The following ARMH3 variants were observed in gnomAD, a reference collection of about 807,000 sequenced individuals.
The protein encoded by ARMH3 is armadillo-like helical domain-containing protein 3.
ARMH3 carries 60 observed loss-of-function variants against 99.1 expected under a neutral mutation model. That is an observed-to-expected ratio of 0.61 (90% CI 0.49 to 0.75). ARMH3 has a LOEUF of 0.75. Ranked by LOEUF, ARMH3 falls within the 30% of genes least tolerant of loss-of-function variation. The probability of loss-of-function intolerance (pLI) is 0.00; values close to 1 mark genes in which losing one functional copy is unlikely to be tolerated. For missense variants in ARMH3, 679 were observed against 843.1 expected (o/e 0.81, Z 2.41); for synonymous variants, 285 against 292.8 (o/e 0.97, Z 0.27).
chr10:101,877,309 G>C (rs2067293863), intron 24 of ARMH3, among the ~76,000 whole-genome samples: 1 of 152,040 alleles, frequency 6.6e-6, no homozygotes, highest in Non-Finnish European at 1.5e-5. Flanking sequence ...GCTGCAGTGA[G>C]CCATGATCAC....
chr10:101,870,114 C>T (rs146689505), intron 24 of ARMH3, among the ~76,000 whole-genome samples: 2 of 152,194 alleles, frequency 1.3e-5, no homozygotes, highest in East Asian at 1.9e-4. Context: ...ATTGACAAAC[C>T]TCTAACCAGG....
chr10:102,007,336 T>TAAA (rs34558673), intron 13 of ARMH3, among the ~76,000 whole-genome samples: 3 of 132,536 alleles, frequency 2.3e-5, no homozygotes, highest in African/African-American at 5.6e-5. Context: ...CACAGACATT[T>TAAA]AAAAAAAAAA....
intron 1 of ARMH3, among the ~76,000 whole-genome samples, chr10:102,046,601 G>A (rs998974187): frequency 4.6e-5 from 7 of 152,112 alleles, no homozygotes; most frequent in Non-Finnish European, 1.0e-4. Flanking sequence ...GCAGTGAGCC[G>A]AGATTGCACC....
chr10:101,949,896 A>G (rs1007158182), intron 22 of ARMH3, among the ~76,000 whole-genome samples: 7 of 152,198 alleles, frequency 4.6e-5, no homozygotes, highest in Admixed American at 4.6e-4. Context: ...CTAACAGACA[A>G]TAGTAGGAAA....
At chr10:102,047,894 AACTGGGAGAGGAGGTACT>A (rs1381708653) in intron 1 of ARMH3, among the ~76,000 whole-genome samples, 6 of 152,142 alleles carry the variant, frequency 3.9e-5, no homozygotes, top group African/African-American at 1.4e-4. Context: ...TGATTGTCAC[AACTGGGAGAGGAGGTACT>A]ACTGGCACCT....
At chr10:101,877,777 A>G (rs1181135625) in intron 24 of ARMH3, among the ~76,000 whole-genome samples, 1 of 152,202 alleles carries the variant, frequency 6.6e-6, no homozygotes, top group East Asian at 1.9e-4. Flanking sequence ...CCAGAAGTTT[A>G]TATGACAGTC....
chr10:101,852,857 T>A (rs1031157684), intron 24 of ARMH3, among the ~76,000 whole-genome samples: 1 of 151,754 alleles, frequency 6.6e-6, no homozygotes, highest in Non-Finnish European at 1.5e-5. Flanking sequence ...CACTGCCCGT[T>A]GCCACCTCCC....
intron 24 of ARMH3, among the ~76,000 whole-genome samples, chr10:101,859,744 C>T (rs886705632): frequency 6.6e-6 from 1 of 152,158 alleles, no homozygotes; most frequent in Non-Finnish European, 1.5e-5. Context: ...GTTGCTGAGC[C>T]ATTTTTAGCA....
At chr10:102,023,886 G>T in intron 6 of ARMH3, 137 bp from the exon 7 acceptor site, 1 of 778,638 alleles carries the variant, frequency 1.3e-6, no homozygotes, top group Non-Finnish European at 2.1e-6. Flanking sequence ...TTTCACAAGT[G>T]CCCCTTAAGT....
At chr10:101,944,257 TATATATATATATATATAGAGAGAGAG>T (rs1383186683) in intron 22 of ARMH3, among the ~76,000 whole-genome samples, 1 of 62,160 alleles carries the variant, frequency 1.6e-5, no homozygotes, top group African/African-American at 8.1e-5. Flanking sequence ...TATATATATA[TATATATATATATATATAGAGAGAGAG>T]AGAGAGAGAG....
intron 2 of ARMH3, among the ~76,000 whole-genome samples, chr10:102,036,752 T>C: frequency 6.6e-6 from 1 of 151,976 alleles, no homozygotes; most frequent in Non-Finnish European, 1.5e-5. Context: ...CAGGGTCCTC[T>C]GCCTAGGAAA....
At chr10:102,028,874 T>C (rs554938485) in intron 5 of ARMH3, among the ~76,000 whole-genome samples, 3 of 152,176 alleles carry the variant, frequency 2.0e-5, no homozygotes, top group South Asian at 2.1e-4. Context: ...TACACTTTAT[T>C]TATTTTCTTC....
chr10:101,923,597 C>G (rs1275241761), intron 23 of ARMH3, among the ~76,000 whole-genome samples: 4 of 152,198 alleles, frequency 2.6e-5, no homozygotes, highest in African/African-American at 9.7e-5. Context: ...CAGTGAAGAG[C>G]ATCTTCTTTC....
intron 15 of ARMH3, among the ~76,000 whole-genome samples, chr10:101,997,584 C>T (rs1249641448): frequency 6.7e-6 from 1 of 150,206 alleles, no homozygotes; most frequent in Non-Finnish European, 1.5e-5. Flanking sequence ...GAGCAAGACT[C>T]CGTCTCAAAA....
intron 20 of ARMH3, among the ~76,000 whole-genome samples, chr10:101,961,521 T>C (rs973613054): frequency 3.9e-5 from 6 of 152,190 alleles, no homozygotes; most frequent in East Asian, 3.8e-4. Flanking sequence ...TATAAACTAT[T>C]ATGGACCGAG....
chr10:102,027,093 A>C (rs2136184518), intron 5 of ARMH3, among the ~76,000 whole-genome samples: 1 of 152,334 alleles, frequency 6.6e-6, no homozygotes, highest in African/African-American at 2.4e-5. Flanking sequence ...AGCCTGGCCA[A>C]CAGGGTGAAA....
At chr10:101,988,934 A>AAG in intron 19 of ARMH3, among the ~76,000 whole-genome samples, 1 of 150,996 alleles carries the variant, frequency 6.6e-6, no homozygotes, top group East Asian at 1.9e-4. Context: ...AAAAAAAAAA[A>AAG]AAAAAAAAAA....
chr10:102,012,715 G>C (rs937692768), intron 10 of ARMH3, 118 bp downstream of exon 10: 3 of 922,536 alleles, frequency 3.3e-6, no homozygotes, highest in Non-Finnish European at 4.8e-6. Flanking sequence ...GCCAGGGGCT[G>C]TACATCTGAA....
chr10:101,966,509 C>G (rs760493217), intron 20 of ARMH3, among the ~76,000 whole-genome samples: 32 of 151,872 alleles, frequency 2.1e-4, no homozygotes, highest in Non-Finnish European at 3.5e-4. Context: ...TTCAGGTGAT[C>G]GGCCAAAGTG....
Sources: gnomAD v4.1 joint callset for allele counts (sites outside exome capture counted in the v4.1 genomes callset) on GRCh38, gnomAD v4.1.1 for gene constraint, MANE v1.5 for transcripts, NCBI Gene and HGNC (gene_info 2026-07-23, HGNC 2026-07-21) for gene names.